FAT4: variants seen among roughly 807,000 people sequenced by gnomAD.
FAT4 encodes FAT atypical cadherin 4.
A neutral mutation model predicts 303.9 loss-of-function variants in FAT4; 84 were observed. The ratio of observed to expected loss-of-function variants is 0.28; its 90% CI spans 0.23 to 0.33. The LOEUF (loss-of-function observed/expected upper bound fraction) is 0.33, where lower values mean the gene tolerates loss of function less well. Among genes scored for constraint, FAT4 ranks in the 10% least tolerant of loss-of-function variants. The pLI, the probability that FAT4 is intolerant of heterozygous loss-of-function variation, is 1.00. For missense variants in FAT4, 6,005 were observed against 6,146.8 expected (o/e 0.98, Z 0.77); for synonymous variants, 2,307 against 2,298.8 (o/e 1.00, Z -0.10).
intron 8 of FAT4, among the ~76,000 whole-genome samples, chr4:125,435,908 T>C (rs1725434283): frequency 6.6e-6 from 1 of 152,042 alleles, no homozygotes; most frequent in Admixed American, 6.6e-5. Context: ...TAGGCACTAA[T>C]TAATATAGTT....
intron 2 of FAT4, among the ~76,000 whole-genome samples, chr4:125,338,627 C>T (rs970348666): frequency 2.6e-5 from 4 of 152,112 alleles, no homozygotes; most frequent in Non-Finnish European, 5.9e-5. Flanking sequence ...ATCACATAAA[C>T]TATTATCAGA....
intron 2 of FAT4, among the ~76,000 whole-genome samples, chr4:125,368,999 A>G (rs1733000001): frequency 6.6e-6 from 1 of 152,182 alleles, no homozygotes; most frequent in African/African-American, 2.4e-5. Flanking sequence ...ACAATCTTAG[A>G]ATACTTTAAG....
chr4:125,440,304 CTT>C lies in FAT4; in HGVS notation c.7199+5880_7199+5881del, dbSNP rs530480329. On this transcript the variant is annotated intron_variant, in intron 8 of 17. Transcript: ENST00000394329. ...AATCTTTAGTCTGATTTTTTTTTTC[CTT>C]CATTGCTTTACTAAAAAAAGGCCCT... Among the ~76,000 whole-genome samples the C allele has an allele frequency of 1.1e-4, 16 of 150,006 alleles. No homozygotes were observed. The East Asian group carries it at 2.3e-3, about 22-fold the overall frequency.
chr4:125,479,219 C>T (rs562640399), intron 14 of FAT4, among the ~76,000 whole-genome samples: 23 of 152,292 alleles, frequency 1.5e-4, no homozygotes, highest in Non-Finnish European at 3.2e-4. Context: ...TATACCCTTT[C>T]TCACCTTGAT....
rs1270886522 is a variant in FAT4 at position 125,441,682 on chromosome 4, T to TA, written c.7200-4610dup. On this transcript the variant is annotated intron_variant, in intron 8 of 17. Coordinates refer to ENST00000394329, the MANE Select transcript of FAT4 (RefSeq NM_001291303.3). Reference sequence around the variant, plus strand: ...CATCTCTTGGCTCTGCTTTAACAATTATACTTCCTTCCTCAAAATCTTTCA... The same window carrying TA: ...CATCTCTTGGCTCTGCTTTAACAATTAATACTTCCTTCCTCAAAATCTTTCA... Among the ~76,000 whole-genome samples the TA allele has an allele frequency of 2.0e-5, 3 of 152,310 alleles. No individual in the cohort carries two copies. The East Asian group carries it at 5.8e-4, about 29-fold the overall frequency.
intron 12 of FAT4, among the ~76,000 whole-genome samples, chr4:125,474,463 G>A (rs1726962067): frequency 1.3e-5 from 2 of 151,552 alleles, no homozygotes; most frequent in Admixed American, 6.6e-5. Flanking sequence ...AACTAAATGG[G>A]GCATGAATGA....
At chr4:125,488,705 G>A (rs921008299) in intron 17 of FAT4, among the ~76,000 whole-genome samples, 5 of 152,260 alleles carry the variant, frequency 3.3e-5, no homozygotes, top group Middle Eastern at 3.4e-3. Context: ...TGGATTTGAA[G>A]CATCTTTGAG....
chr4:125,360,062 T>G (rs1176792099), intron 2 of FAT4, among the ~76,000 whole-genome samples: 1 of 152,190 alleles, frequency 6.6e-6, no homozygotes, highest in Non-Finnish European at 1.5e-5. Flanking sequence ...CTCCTGCCAT[T>G]GCCTTTCCTT....
chr4:125,367,410 A>C (rs1049445928), intron 2 of FAT4, among the ~76,000 whole-genome samples: 2 of 152,170 alleles, frequency 1.3e-5, no homozygotes, highest in African/African-American at 4.8e-5. Context: ...TCAAGGTCAT[A>C]CAATTTGTAA....
intron 10 of FAT4, among the ~76,000 whole-genome samples, chr4:125,458,603 A>G (rs940713755): frequency 3.3e-5 from 5 of 151,986 alleles, no homozygotes; most frequent in African/African-American, 1.2e-4. Context: ...TACATTAGGT[A>G]ATACATTAAC....
At chr4:125,481,267 TA>T (rs1472513536) in intron 15 of FAT4, among the ~76,000 whole-genome samples, 2 of 152,210 alleles carry the variant, frequency 1.3e-5, no homozygotes, top group African/African-American at 2.4e-5. Flanking sequence ...AATAGTTTAG[TA>T]AAATATTTCC....
chr4:125,456,741 G>C (rs1726294323), intron 10 of FAT4, among the ~76,000 whole-genome samples: 1 of 152,146 alleles, frequency 6.6e-6, no homozygotes, highest in Admixed American at 6.6e-5. Context: ...CAGGAAGACA[G>C]AGCTAATATA....
At chr4:125,462,431 C>CTA (rs1726515282) in intron 10 of FAT4, among the ~76,000 whole-genome samples, 1 of 151,808 alleles carries the variant, frequency 6.6e-6, no homozygotes, top group African/African-American at 2.4e-5. Flanking sequence ...CAATCCTACT[C>CTA]TCAATGAAAA....
At chr4:125,414,735 T>C in intron 5 of FAT4, 149 bp from the exon 6 acceptor site, 1 of 599,776 alleles carries the variant, frequency 1.7e-6, no homozygotes, top group Non-Finnish European at 3.0e-6. Context: ...TAGCAAGCAG[T>C]ATATAGATCA....
At chr4:125,416,380 T>C (rs1578618988) in intron 6 of FAT4, 68 bp from the exon 7 acceptor site, 21 of 1,345,558 alleles carry the variant, frequency 1.6e-5, no homozygotes, top group Non-Finnish European at 2.1e-5. Context: ...TTTTTTTTAA[T>C]GGAGGCATTT....
rs367935912 is a variant in FAT4, at chr4:125,319,828, T to C, written c.3417T>C (p.Phe1139=). ...FGPNGEVRYS[F]EMVQPDFELH... ...CAAATGGAGAAGTAAGGTATTCTTT[T>C]GAAATGGTGCAGCCAGATTTTGAGT... Residue 1139 remains phenylalanine, a synonymous_variant, in exon 2 of 18, where the codon TTT becomes TTC. Transcript: ENST00000394329. 505 of 1,614,068 alleles carry C rather than the reference T, an allele frequency of 3.1e-4. No homozygotes were observed. The highest frequency in any genetic ancestry group is 4.1e-4 in the Non-Finnish European group (488 of 1,180,046).
rs1409747363 is a variant in FAT4 at position 125,449,372 on chromosome 4, C to T, written c.8362C>T (p.Pro2788Ser). Residue 2788 changes from proline (P) to serine (S), a missense_variant, in exon 10 of 18, where the codon CCC becomes TCC. Physicochemically the swap from Pro to Ser is moderately conservative, Grantham distance 74. Coordinates refer to ENST00000394329, the MANE Select transcript of FAT4 (RefSeq NM_001291303.3). ...TAGTGCCCATGTTCCTGAAAATTCC[C>T]CCTTAGGATACACAGTTACCCGTGT... ...IFSAHVPENS[P>S]LGYTVTRVTT... The T allele has an allele frequency of 1.2e-6, 2 of 1,613,524 alleles. No homozygotes were observed. Among genetic ancestry groups the T allele is most frequent in the East Asian group, 4.5e-5 (2 of 44,864 alleles).
At chr4:125,445,834 A>T (rs1255626666) in intron 8 of FAT4, among the ~76,000 whole-genome samples, 1 of 152,284 alleles carries the variant, frequency 6.6e-6, no homozygotes, top group Non-Finnish European at 1.5e-5. Context: ...TGTCAAATAC[A>T]GGTTTTGTCT....
chr4:125,317,609 G>T lies in FAT4; in HGVS notation c.1198G>T (p.Gly400Trp), dbSNP rs760281262. 1.1e-5 allele frequency: 17 copies of T among 1,613,920 alleles called. No homozygotes were observed. The African/African-American group carries it at 1.7e-4, about 16-fold the overall frequency. The change falls in exon 2 of 18, where the codon GGG becomes TGG. Residue 400 changes from glycine to tryptophan, a missense_variant. Coordinates refer to ENST00000394329, the MANE Select transcript of FAT4 (RefSeq NM_001291303.3). The surrounding 1 kb of genome is among the most constrained non-coding windows in gnomAD (Gnocchi z 7.0). The stretch of plus-strand genomic sequence containing the variant: ...CGGGAACATCTCCGTGCAAATTCTC[G>T]GGGGCAATGAGCAGCGCCACTTTGA... Reference protein sequence around the residue: ...ANGNISVQILGGNEQRHFEVQ... With the variant: ...ANGNISVQILWGNEQRHFEVQ...
Sources: allele counts gnomAD v4.1 joint callset (sites outside exome capture counted in the v4.1 genomes callset), GRCh38; gene constraint gnomAD v4.1.1; non-coding constraint Gnocchi (gnomAD v3.1); transcripts MANE v1.5; gene names NCBI Gene and HGNC (gene_info 2026-07-23, HGNC 2026-07-21).